SLC4A10: variants seen among roughly 807,000 people sequenced by gnomAD.
The protein encoded by SLC4A10 is sodium-driven chloride bicarbonate exchanger.
SLC4A10 carries 42 observed loss-of-function variants against 137.7 expected under a neutral mutation model. The ratio of observed to expected loss-of-function variants is 0.30; its 90% confidence interval spans 0.24 to 0.39. The LOEUF is 0.39. SLC4A10 is among the 10% of genes least tolerant of loss of function. The pLI, the probability that SLC4A10 is intolerant of heterozygous loss-of-function variation, is 1.00. For missense variants in SLC4A10, 925 were observed against 1,355.0 expected, an observed-to-expected ratio of 0.68 and a Z score of 4.98; for synonymous variants, 474 against 464.1, an observed-to-expected ratio of 1.02 and a Z score of -0.27.
intron 1 of SLC4A10, chr2:161,651,106 CCCA>C (rs1189055964): frequency 6.5e-6 from 1 of 152,698 alleles, no homozygotes; most frequent in Non-Finnish European, 1.5e-5. Flanking sequence ...AGCCCATAAC[CCCA>C]CCCCGCCTCC....
chr2:161,770,858 C>A, intron 1 of SLC4A10, 115 bp from the exon 2 acceptor site: 2 of 673,028 alleles, frequency 3.0e-6, no homozygotes, highest in Non-Finnish European at 2.5e-6. Flanking sequence ...TCATGAACAA[C>A]TAGATTTAAA....
At chr2:161,804,658 A>G (rs2055730721) in intron 3 of SLC4A10, 63 bp downstream of exon 3, 2 of 1,471,134 alleles carry the variant, frequency 1.4e-6, no homozygotes, top group Non-Finnish European at 1.8e-6. Flanking sequence ...TTATACAATT[A>G]TGATTAGGAG....
intron 3 of SLC4A10, among the ~76,000 whole-genome samples, chr2:161,809,967 C>T (rs1286271078): frequency 6.6e-6 from 1 of 152,002 alleles, no homozygotes; most frequent in African/African-American, 2.4e-5. Context: ...TTGCTTTGGG[C>T]AGTATGGCCA....
intron 15 of SLC4A10, among the ~76,000 whole-genome samples, chr2:161,934,012 A>G (rs1012823901): frequency 6.6e-6 from 1 of 152,116 alleles, no homozygotes; most frequent in Non-Finnish European, 1.5e-5. Context: ...TTTAAAAAAA[A>G]ATTAATTTTT....
intron 15 of SLC4A10, among the ~76,000 whole-genome samples, chr2:161,923,299 T>C (rs1330513976): frequency 6.6e-6 from 1 of 152,148 alleles, no homozygotes; most frequent in Non-Finnish European, 1.5e-5. Flanking sequence ...CAAGTGAAAA[T>C]TATTGGCATT....
chr2:161,839,710 G>A, intron 3 of SLC4A10, 79 bp from the exon 4 acceptor site: 1 of 1,535,806 alleles, frequency 6.5e-7, no homozygotes, highest in Non-Finnish European at 8.9e-7. Flanking sequence ...GGGTGGTGCT[G>A]AAGGCAGTGA....
intron 7 of SLC4A10, among the ~76,000 whole-genome samples, chr2:161,872,660 T>C (rs1575389268): frequency 6.6e-6 from 1 of 152,286 alleles, no homozygotes; most frequent in East Asian, 1.9e-4. Flanking sequence ...ATAACTGGGC[T>C]TCACAGGGAA....
intron 15 of SLC4A10, among the ~76,000 whole-genome samples, chr2:161,920,531 A>G (rs1687945435): frequency 1.3e-5 from 2 of 152,334 alleles, no homozygotes; most frequent in African/African-American, 2.4e-5. Context: ...TGGTGAAGGA[A>G]ACCTTGTACT....
intron 16 of SLC4A10, among the ~76,000 whole-genome samples, chr2:161,944,510 T>C (rs1693355041): frequency 6.6e-6 from 1 of 151,852 alleles, no homozygotes; most frequent in South Asian, 2.1e-4. Context: ...GTGAGTTAGA[T>C]ACCCTGAGTT....
chr2:161,973,677 T>C (rs1247567091), intron 23 of SLC4A10, among the ~76,000 whole-genome samples: 2 of 152,152 alleles, frequency 1.3e-5, no homozygotes, highest in Admixed American at 6.5e-5. Flanking sequence ...AGAGTAGTGG[T>C]TCTTTAAATA....
chr2:161,701,781 A>G lies in SLC4A10; in HGVS notation c.49-69192A>G, dbSNP rs189050692. Among the ~76,000 whole-genome samples the G allele has an allele frequency of 3.8e-3, 574 of 151,966 alleles. 10 individuals are homozygous for G. The highest frequency in any genetic ancestry group is 2.9e-3 in the Non-Finnish European group (194 of 67,824). On this transcript the variant is annotated intron_variant, in intron 1 of 26. Transcript: ENST00000446997. ...CCACCATTCTACTCTCTACCCCCAT[A>G]AGATCCACATTTTTAGCTCCCACAT...
Position 161,863,587 on chromosome 2 carries a change from C to T in SLC4A10, c.766+525C>T, listed in dbSNP as rs1049874639. Among the ~76,000 whole-genome samples, 4 of 152,164 alleles carry T rather than the reference C, an allele frequency of 2.6e-5. No individual in the cohort carries two copies. The South Asian group carries it at 6.2e-4, about 24-fold the overall frequency. Reference sequence around the variant, plus strand: ...GCTTTACATACATTATGGCTGATTCCGGTTCAAGGGCTCATTGCTGTTTGT... The same window carrying T: ...GCTTTACATACATTATGGCTGATTCTGGTTCAAGGGCTCATTGCTGTTTGT... On this transcript the variant is annotated intron_variant, in intron 6 of 26. Coordinates refer to ENST00000446997, the MANE Select transcript of SLC4A10 (RefSeq NM_001178015.2).
chr2:161,734,869 G>A (rs1473450182), intron 1 of SLC4A10, among the ~76,000 whole-genome samples: 1 of 152,038 alleles, frequency 6.6e-6, no homozygotes, highest in African/African-American at 2.4e-5. Flanking sequence ...CCTGGTAAGA[G>A]TGATTGGATC....
At chr2:161,818,298 TA>T (rs1213991720) in intron 3 of SLC4A10, among the ~76,000 whole-genome samples, 1 of 152,226 alleles carries the variant, frequency 6.6e-6, no homozygotes, top group African/African-American at 2.4e-5. Context: ...TATTGGTGTA[TA>T]AGAATGCTTA....
intron 1 of SLC4A10, among the ~76,000 whole-genome samples, chr2:161,746,280 A>G (rs2048374933): frequency 1.3e-5 from 2 of 151,982 alleles, no homozygotes; most frequent in Admixed American, 1.3e-4. Flanking sequence ...ACTGGGGCTG[A>G]GCTGGTACCC....
intron 15 of SLC4A10, among the ~76,000 whole-genome samples, chr2:161,930,998 C>T (rs1690277514): frequency 1.3e-5 from 2 of 152,202 alleles, no homozygotes; most frequent in South Asian, 2.1e-4. Flanking sequence ...GTGGCACAAT[C>T]TTGGCTCACT....
intron 2 of SLC4A10, among the ~76,000 whole-genome samples, chr2:161,776,800 C>T (rs985444053): frequency 5.3e-5 from 8 of 151,496 alleles, no homozygotes; most frequent in Non-Finnish European, 1.2e-4. Flanking sequence ...CACCATTTTA[C>T]ATTCCCAACA....
At chr2:161,926,076 T>C (rs1379043286) in intron 15 of SLC4A10, among the ~76,000 whole-genome samples, 1 of 152,088 alleles carries the variant, frequency 6.6e-6, no homozygotes, top group African/African-American at 2.4e-5. Flanking sequence ...GTCCGCTTGG[T>C]GCAGAGCTGA....
intron 1 of SLC4A10, among the ~76,000 whole-genome samples, chr2:161,698,032 A>T (rs998164020): frequency 4.9e-4 from 75 of 152,286 alleles, no homozygotes; most frequent in Non-Finnish European, 9.0e-4. Flanking sequence ...CATCCCTTGT[A>T]AGTTGGATTC....
Sources: allele counts gnomAD v4.1 joint callset (sites outside exome capture counted in the v4.1 genomes callset), GRCh38; gene constraint gnomAD v4.1.1; transcripts MANE v1.5; gene names NCBI Gene and HGNC (gene_info 2026-07-23, HGNC 2026-07-21).